ERC1: variants seen among roughly 807,000 people sequenced by gnomAD.
ERC1 encodes RAB6 interacting protein 2.
In ERC1, 56 loss-of-function variants were observed where a neutral mutation model predicts 132.0. That is an observed-to-expected ratio of 0.42 (90% confidence interval 0.34 to 0.53). The LOEUF is 0.53. Among genes scored for constraint, ERC1 ranks in the 20% least tolerant of loss-of-function variants. The pLI, the probability that ERC1 is intolerant of heterozygous loss-of-function variation, is 0.03. For missense variants in ERC1, 1,202 were observed against 1,349.9 expected, an observed-to-expected ratio of 0.89 and a Z score of 1.72; for synonymous variants, 478 against 476.1, an observed-to-expected ratio of 1.00 and a Z score of -0.05.
intron 15 of ERC1, among the ~76,000 whole-genome samples, chr12:1,349,092 T>TAC (rs2084754892): frequency 6.6e-6 from 1 of 152,192 alleles, no homozygotes; most frequent in Non-Finnish European, 1.5e-5. Context: ...TGTTGTTGGC[T>TAC]ACATGTCCTC....
intron 15 of ERC1, among the ~76,000 whole-genome samples, chr12:1,326,802 G>A (rs1308974912): frequency 6.6e-6 from 1 of 152,090 alleles, no homozygotes; most frequent in East Asian, 1.9e-4. Context: ...CCAACAGAAA[G>A]TAGAACTCCC....
At chr12:1,192,395 G>A (rs966569330) in intron 12 of ERC1, among the ~76,000 whole-genome samples, 13 of 152,290 alleles carry the variant, frequency 8.5e-5, no homozygotes, top group African/African-American at 2.9e-4. Flanking sequence ...GTACTCGTTT[G>A]CATATGTGTG....
intron 1 of ERC1, chr12:991,942 G>A (rs911985278): frequency 3.2e-5 from 4 of 124,656 alleles, no homozygotes; most frequent in Non-Finnish European, 4.8e-5. Context: ...TAGATCTCAC[G>A]TTTCTACTTT....
chr12:1,434,828 C>T (rs899612422), intron 17 of ERC1, among the ~76,000 whole-genome samples: 2 of 152,170 alleles, frequency 1.3e-5, no homozygotes, highest in South Asian at 4.2e-4. Context: ...GAGCCTCTTT[C>T]GTCATAGTCA....
chr12:999,139 C>G (rs1169930487), intron 1 of ERC1, among the ~76,000 whole-genome samples: 3 of 152,114 alleles, frequency 2.0e-5, no homozygotes, highest in Non-Finnish European at 4.4e-5. Flanking sequence ...GGATTATAGG[C>G]GTGAGCCACC....
chr12:1,332,869 A>C (rs1022571006), intron 15 of ERC1, among the ~76,000 whole-genome samples: 13 of 152,182 alleles, frequency 8.5e-5, no homozygotes, highest in African/African-American at 3.1e-4. Context: ...GCAGCTATTC[A>C]AAATAGACTT....
intron 3 of ERC1, among the ~76,000 whole-genome samples, chr12:1,095,046 C>G (rs986695105): frequency 6.6e-6 from 1 of 152,136 alleles, no homozygotes; most frequent in Non-Finnish European, 1.5e-5. Flanking sequence ...CTAAGTTTTA[C>G]TTTTTAGTCA....
chr12:1,385,822 A>G (rs2089275540), intron 16 of ERC1: 1 of 152,164 alleles, frequency 6.6e-6, no homozygotes, highest in South Asian at 2.1e-4. Context: ...TATTTCTCTT[A>G]ATACATATTT....
intron 15 of ERC1, among the ~76,000 whole-genome samples, chr12:1,363,587 C>G (rs1213647775): frequency 8.3e-6 from 1 of 120,674 alleles, no homozygotes; most frequent in Admixed American, 1.1e-4. Context: ...GGGTCTTGCT[C>G]TGCCACCTAG....
intron 18 of ERC1, among the ~76,000 whole-genome samples, chr12:1,459,111 T>C (rs1464580350): frequency 6.6e-6 from 1 of 152,216 alleles, no homozygotes; most frequent in African/African-American, 2.4e-5. Context: ...TTATAACAAC[T>C]AATATAGAGA....
chr12:1,233,470 CAAAAAAAAAAAAA>C (rs60542316), intron 12 of ERC1, among the ~76,000 whole-genome samples: 1 of 71,502 alleles, frequency 1.4e-5, no homozygotes, highest in East Asian at 4.5e-4. Flanking sequence ...GACCCTGTCT[CAAAAAAAAAAAAA>C]AAAAAAAAAA....
At chr12:1,049,774 T>A (rs1483236235) in intron 2 of ERC1, among the ~76,000 whole-genome samples, 2 of 140,526 alleles carry the variant, frequency 1.4e-5, no homozygotes, top group African/African-American at 5.4e-5. Context: ...TTTTTTAAGA[T>A]GGAGTCTCAC....
At chr12:1,154,458 T>C (rs1951179039) in intron 8 of ERC1, among the ~76,000 whole-genome samples, 1 of 151,580 alleles carries the variant, frequency 6.6e-6, no homozygotes, top group Admixed American at 6.6e-5. Flanking sequence ...ACCATAAAAA[T>C]TCTGGAAGAT....
rs549020915 is a variant in ERC1 at position 1,193,204 on chromosome 12, T to C, written c.2351+3152T>C. On this transcript the variant is annotated intron_variant, in intron 12 of 18. Coordinates refer to ENST00000360905, the MANE Select transcript of ERC1 (RefSeq NM_178040.4). Reference sequence around the variant, plus strand: ...GAAATAAATAAATAGGTCCTTCCCATGTTGGCTGTTACAGAAAATAAGAGT... The same window carrying C: ...GAAATAAATAAATAGGTCCTTCCCACGTTGGCTGTTACAGAAAATAAGAGT... Among the ~76,000 whole-genome samples the C allele has an allele frequency of 2.6e-5, 4 of 152,312 alleles. No individual in the cohort carries two copies. In the South Asian group the frequency reaches 8.3e-4, roughly 32 times the overall value.
intron 14 of ERC1, among the ~76,000 whole-genome samples, chr12:1,281,067 G>A (rs894187172): frequency 1.1e-4 from 16 of 152,072 alleles, no homozygotes; most frequent in Non-Finnish European, 1.9e-4. Context: ...TAAAATGGCA[G>A]TGAACTTTTA....
intron 2 of ERC1, among the ~76,000 whole-genome samples, chr12:1,032,150 C>T (rs1968163113): frequency 6.6e-6 from 1 of 151,270 alleles, no homozygotes; most frequent in Admixed American, 6.6e-5. Context: ...GGTCCTGGTT[C>T]AAGCAGTTCT....
At position 1,008,905 on chromosome 12, in the gene ERC1, C is replaced by A. The variant is rs565485525; in HGVS notation, c.-157+17583C>A. Among the ~76,000 whole-genome samples, 6 of 152,140 alleles carry A rather than the reference C, an allele frequency of 3.9e-5. No individual in the cohort carries two copies. In the South Asian group the frequency reaches 1.2e-3, roughly 31 times the overall value. ...TCAAGTGCTCAGCACTCAGCAGCTG[C>A]ATATGGCTAGTGGCTACCATATTGG... is the stretch of plus-strand genomic sequence containing the variant. On this transcript the variant is annotated intron_variant, in intron 1 of 18. Coordinates refer to ENST00000360905, the MANE Select transcript of ERC1 (RefSeq NM_178040.4).
chr12:1,132,086 T>C (rs1366773331), intron 7 of ERC1, among the ~76,000 whole-genome samples: 1 of 152,214 alleles, frequency 6.6e-6, no homozygotes, highest in Non-Finnish European at 1.5e-5. Context: ...CGCAAAATTA[T>C]ACTACAAATT....
At chr12:1,001,901 C>T (rs1162289790) in intron 1 of ERC1, among the ~76,000 whole-genome samples, 1 of 137,128 alleles carries the variant, frequency 7.3e-6, no homozygotes, top group Non-Finnish European at 1.5e-5. Context: ...CGCTCTGTTG[C>T]CCAGGCTGGA....
Sources: allele counts gnomAD v4.1 joint callset (sites outside exome capture counted in the v4.1 genomes callset), GRCh38; gene constraint gnomAD v4.1.1; transcripts MANE v1.5; gene names NCBI Gene and HGNC (gene_info 2026-07-23, HGNC 2026-07-21).